TERB2: variants seen among roughly 807,000 people sequenced by gnomAD.
TERB2 encodes the protein telomere repeat binding bouquet formation protein 2.
In TERB2, 26 loss-of-function variants were observed where a neutral mutation model predicts 29.8. The observed-to-expected ratio is 0.87, with a 90% CI of 0.64 to 1.21. The LOEUF (loss-of-function observed/expected upper bound fraction) is 1.21. TERB2 is among the 50% of genes most tolerant of loss of function. The pLI, the probability that TERB2 is intolerant of heterozygous loss-of-function variation, is 0.00. For missense variants in TERB2, 240 were observed against 268.6 expected (o/e 0.89, Z 0.74); for synonymous variants, 80 against 90.8 (o/e 0.88, Z 0.68).
intron 4 of TERB2, among the ~76,000 whole-genome samples, chr15:44,965,932 GTCT>G (rs916456684): frequency 2.0e-5 from 3 of 151,836 alleles, no homozygotes; most frequent in Admixed American, 2.0e-4. Flanking sequence ...TAAAATTCTG[GTCT>G]TCTTTATGTG....
rs1892083219 is a variant in TERB2, at chr15:44,978,802, A to AT, written c.*179dup. ...AATCATTTTGGTTCTGTGTTTTGAC[A>AT]TTTTTCCCCTAGCTTTTAACAACAT... is the stretch of plus-strand genomic sequence containing the variant. On this transcript the variant is annotated 3_prime_UTR_variant, in exon 7 of 7. Coordinates refer to ENST00000340827, the MANE Select transcript of TERB2 (RefSeq NM_152448.3). 8 of 843,094 alleles carry AT rather than the reference A, an allele frequency of 9.5e-6. No individual in the cohort carries two copies. Among genetic ancestry groups the AT allele is most frequent in the Non-Finnish European group, 1.3e-5 (8 of 624,020 alleles). The allele number at this position is 843,094 out of a possible 1,614,324, so 52.2% of individuals were successfully genotyped here.
chr15:44,976,678 T>C (rs1288946024), intron 6 of TERB2, among the ~76,000 whole-genome samples: 3 of 152,126 alleles, frequency 2.0e-5, no homozygotes, highest in Non-Finnish European at 2.9e-5. Flanking sequence ...TGGCTGGCTA[T>C]CACAGATGCA....
At chr15:44,968,531 T>C (rs1210447272) in intron 5 of TERB2, among the ~76,000 whole-genome samples, 8 of 151,928 alleles carry the variant, frequency 5.3e-5, no homozygotes, top group Admixed American at 1.3e-4. Context: ...CGAAAAATCT[T>C]ATTTGATATT....
intron 5 of TERB2, among the ~76,000 whole-genome samples, chr15:44,968,584 CTTTTTTTTT>C (rs34188520): frequency 1.0e-4 from 10 of 98,500 alleles, no homozygotes; most frequent in Non-Finnish European, 1.7e-4. Flanking sequence ...TTTGTTTAAC[CTTTTTTTTT>C]TTTTTTTTTT....
chr15:44,960,507 G>C (rs57701292), intron 3 of TERB2, among the ~76,000 whole-genome samples: 2,526 of 152,098 alleles, frequency 0.017, 22 homozygotes, highest in Middle Eastern at 0.031. Context: ...ATGCTGAGAC[G>C]CCCTTCTCTA....
chr15:44,967,948 A>C (rs1352463449), intron 5 of TERB2, among the ~76,000 whole-genome samples: 1 of 104,230 alleles, frequency 9.6e-6, no homozygotes, highest in Non-Finnish European at 1.8e-5. Context: ...AAATATGTCC[A>C]ATCCAAAAAC....
chr15:44,960,777 A>G (rs954719151), intron 3 of TERB2, among the ~76,000 whole-genome samples: 1 of 152,048 alleles, frequency 6.6e-6, no homozygotes, highest in Non-Finnish European at 1.5e-5. Flanking sequence ...GTCTAGAGTA[A>G]TATTACCTTT....
rs764407847 is a variant in TERB2 at position 44,956,972 on chromosome 15, G to C, written c.141G>C (p.Thr47=). 2 of 1,613,302 alleles carry C rather than the reference G, an allele frequency of 1.2e-6. No homozygotes were observed. The highest frequency in any genetic ancestry group is 1.1e-5 in the South Asian group (1 of 91,076). ...GCTGTGATGCCTCGCACCCAGACAC[G>C]CTGAGGTACTGAGGGCGACCTGGCA... is the stretch of plus-strand genomic sequence containing the variant. ...LFSCDASHPD[T]LRIYQSLDYI... Residue 47 remains threonine, a synonymous_variant, in exon 2 of 7, where the codon ACG becomes ACC. Transcript: ENST00000340827.
chr15:44,956,916 A>C lies in TERB2; in HGVS notation c.85A>C (p.Ser29Arg). The C allele has an allele frequency of 6.2e-7, 1 of 1,614,056 alleles. No homozygotes were observed. The change falls in exon 2 of 7, where the codon AGT becomes CGT. Residue 29 changes from serine to arginine, a missense_variant. Ser to Arg is a moderately radical substitution (Grantham distance 110). Transcript: ENST00000340827. ...CACAGTGGCTGAAGGGGGAACGATC[A>C]GTGACCCGCGAGCCGCCGACTTCTT... ...QFWVAEGGTI[S>R]DPRAADFLFS...
In TERB2 at chr15:44,978,009, G is replaced by A. The variant is rs373980262; in HGVS notation, c.524-480G>A. Among the ~76,000 whole-genome samples the A allele has an allele frequency of 1.1e-4, 16 of 152,262 alleles. No individual in the cohort carries two copies. In the East Asian group the frequency reaches 2.5e-3, roughly 24 times the overall value. ...ACCCATTATCTTTGTTGACTGAGCA[G>A]TAACATCGATTTTTCATTAACTTTT... On this transcript the variant is annotated intron_variant, in intron 6 of 6. Coordinates refer to ENST00000340827, the MANE Select transcript of TERB2 (RefSeq NM_152448.3).
intron 4 of TERB2, among the ~76,000 whole-genome samples, chr15:44,964,157 A>G (rs1322563572): frequency 1.3e-5 from 2 of 152,198 alleles, no homozygotes; most frequent in African/African-American, 2.4e-5. Flanking sequence ...TTTTCACAAC[A>G]AAGAGTTAGG....
chr15:44,964,089 G>A lies in TERB2; in HGVS notation c.349-2069G>A, dbSNP rs576501900. Among the ~76,000 whole-genome samples, 82 of 152,220 alleles carry A rather than the reference G, an allele frequency of 5.4e-4. No individual in the cohort carries two copies. In the East Asian group the frequency reaches 0.015, roughly 28 times the overall value. On this transcript the variant is annotated intron_variant, in intron 4 of 6. Transcript: ENST00000340827. ...CTCCCAAAGTGCTGGGATTACAGGC[G>A]TGAGCCACTGTGCCTGGCCTATTGT...
intron 5 of TERB2, among the ~76,000 whole-genome samples, chr15:44,969,147 T>C (rs1870407559): frequency 6.6e-6 from 1 of 151,970 alleles, no homozygotes; most frequent in Non-Finnish European, 1.5e-5. Flanking sequence ...CAGGCTGGAG[T>C]ACAGTGGCAC....
In TERB2 at chr15:44,978,831, C is replaced by A; in HGVS notation, c.*203C>A. ...TTCCCCTAGCTTTTAACAACATGTT[C>A]AAATATTCTCAATGCACAGTTGTTA... On this transcript the variant is annotated 3_prime_UTR_variant, in exon 7 of 7. Coordinates refer to ENST00000340827, the MANE Select transcript of TERB2 (RefSeq NM_152448.3). 1 of 532,184 alleles carries A rather than the reference C, an allele frequency of 1.9e-6. No homozygotes were observed. The highest frequency in any genetic ancestry group is 2.8e-6 in the Non-Finnish European group (1 of 359,330). The allele number at this position is 532,184 out of a possible 1,614,324, so 33.0% of individuals were successfully genotyped here.
chr15:44,975,026 C>T (rs887555419), intron 6 of TERB2, among the ~76,000 whole-genome samples: 20 of 152,194 alleles, frequency 1.3e-4, no homozygotes, highest in African/African-American at 4.6e-4. Flanking sequence ...GATAAAGAAA[C>T]AGTCTGATTG....
chr15:44,963,422 G>A (rs1266619262), intron 4 of TERB2, among the ~76,000 whole-genome samples: 5 of 152,030 alleles, frequency 3.3e-5, no homozygotes, highest in African/African-American at 7.3e-5. Context: ...CATACCACAA[G>A]ACAATTAACC....
At chr15:44,963,662 A>G (rs1891839584) in intron 4 of TERB2, among the ~76,000 whole-genome samples, 1 of 151,970 alleles carries the variant, frequency 6.6e-6, no homozygotes, top group Non-Finnish European at 1.5e-5. Context: ...CATGCCAGGT[A>G]TTAGAGAGTG....
intron 4 of TERB2, among the ~76,000 whole-genome samples, chr15:44,964,974 C>T (rs1891859778): frequency 6.6e-6 from 1 of 151,644 alleles, no homozygotes; most frequent in Non-Finnish European, 1.5e-5. Flanking sequence ...CCAACCTGGG[C>T]AACATGGCAA....
At chr15:44,964,804 G>C (rs1311926516) in intron 4 of TERB2, among the ~76,000 whole-genome samples, 3 of 151,998 alleles carry the variant, frequency 2.0e-5, no homozygotes, top group African/African-American at 7.3e-5. Context: ...GCAATAACTA[G>C]GGTAAATCTG....
Sources: allele counts gnomAD v4.1 joint callset (sites outside exome capture counted in the v4.1 genomes callset), GRCh38; gene constraint gnomAD v4.1.1; transcripts MANE v1.5; gene names NCBI Gene and HGNC (gene_info 2026-07-23, HGNC 2026-07-21).